AFAP1: variants seen among roughly 807,000 people sequenced by gnomAD.
AFAP1 encodes the protein actin filament associated protein 1.
AFAP1 carries 75 observed loss-of-function variants against 93.9 expected under a neutral mutation model. The observed-to-expected ratio is 0.80, with a 90% confidence interval of 0.66 to 0.97. The LOEUF (loss-of-function observed/expected upper bound fraction) is 0.97. Among genes scored for constraint, AFAP1 ranks in the 50% least tolerant of loss-of-function variants. The probability of loss-of-function intolerance (pLI) is 0.00; values close to 1 mark genes in which losing one functional copy is unlikely to be tolerated. For missense variants in AFAP1, 1,201 were observed against 1,050.8 expected (o/e 1.14, Z -1.98); for synonymous variants, 517 against 430.7 (o/e 1.20, Z -2.48).
At chr4:7,872,271 A>C in intron 1 of AFAP1, 191 bp from the exon 2 acceptor site, 2 of 597,294 alleles carry the variant, frequency 3.3e-6, no homozygotes, top group Non-Finnish European at 5.4e-6. Context: ...CAAATGCACT[A>C]CTCCTTTGCT....
At chr4:7,795,945 A>T (rs1718377140) in intron 10 of AFAP1, among the ~76,000 whole-genome samples, 1 of 152,204 alleles carries the variant, frequency 6.6e-6, no homozygotes, top group Non-Finnish European at 1.5e-5. Flanking sequence ...ACAGCTTTTA[A>T]TACATAGATA....
chr4:7,796,659 G>A (rs1718444017), intron 10 of AFAP1, among the ~76,000 whole-genome samples: 1 of 151,584 alleles, frequency 6.6e-6, no homozygotes, highest in African/African-American at 2.4e-5. Context: ...GCTGAAGCAG[G>A]AGAATGGCGT....
intron 1 of AFAP1, among the ~76,000 whole-genome samples, chr4:7,895,187 T>C (rs1718695597): frequency 6.6e-6 from 1 of 152,200 alleles, no homozygotes; most frequent in Non-Finnish European, 1.5e-5. Flanking sequence ...GGGTTGAGGC[T>C]GGAACTCTGC....
At chr4:7,779,872 A>C (rs916184077) in intron 13 of AFAP1, among the ~76,000 whole-genome samples, 1 of 152,220 alleles carries the variant, frequency 6.6e-6, no homozygotes, top group Non-Finnish European at 1.5e-5. Flanking sequence ...CATTAAAATG[A>C]CCAAATGAGG....
intron 5 of AFAP1, among the ~76,000 whole-genome samples, chr4:7,842,301 C>CAAAAAAAAAAAAAAAAAAAAAAATAAAA (rs57050150): frequency 1.1e-5 from 1 of 94,898 alleles, no homozygotes; most frequent in Non-Finnish European, 2.0e-5. Context: ...CCTGGATTTA[C>CAAAAAAAAAAAAAAAAAAAAAAATAAAA]AAAAAAAAAA....
At chr4:7,897,482 G>T (rs1418572696) in intron 1 of AFAP1, among the ~76,000 whole-genome samples, 2 of 151,890 alleles carry the variant, frequency 1.3e-5, no homozygotes, top group African/African-American at 4.8e-5. Context: ...GGAGTCTCTT[G>T]CATTCTGCTT....
chr4:7,868,537 C>T (rs1002516941), intron 3 of AFAP1, 85 bp downstream of exon 3: 28 of 1,179,556 alleles, frequency 2.4e-5, no homozygotes, highest in East Asian at 4.9e-5. Context: ...TCTTCCACAC[C>T]GGGCTTCCAT....
In AFAP1 at chr4:7,781,368, T is replaced by C. The variant is rs573939648; in HGVS notation, c.1782+8A>G. 1 of 1,551,104 alleles carries C rather than the reference T, an allele frequency of 6.4e-7. No homozygotes were observed. The highest frequency in any genetic ancestry group is 2.4e-5 in the East Asian group (1 of 40,916). On this transcript the variant is annotated splice_region_variant and intron_variant, in intron 13 of 17. Coordinates refer to ENST00000420658, the MANE Select transcript of AFAP1 (RefSeq NM_001134647.2). ...GGTTCTAGAATCTTACAGAAGAAGA[T>C]GCCGTACCTGCGAGTTGAGCCCGAG...
At chr4:7,832,858 A>T (rs1711798797) in intron 6 of AFAP1, among the ~76,000 whole-genome samples, 1 of 152,198 alleles carries the variant, frequency 6.6e-6, no homozygotes, top group Admixed American at 6.5e-5. Context: ...AAATACTTAC[A>T]GTCAACTGAC....
intron 8 of AFAP1, among the ~76,000 whole-genome samples, chr4:7,810,691 T>C (rs4645213): frequency 0.46 from 70,505 of 152,124 alleles, 17,322 homozygotes; most frequent in East Asian, 0.78. Context: ...TGCATAAAAA[T>C]GATGCCTGGC....
intron 11 of AFAP1, among the ~76,000 whole-genome samples, chr4:7,786,866 T>C (rs1717311405): frequency 6.6e-6 from 1 of 152,202 alleles, no homozygotes; most frequent in African/African-American, 2.4e-5. Flanking sequence ...CGTGGACCCC[T>C]GTTCTATAAG....
intron 10 of AFAP1, among the ~76,000 whole-genome samples, chr4:7,798,219 C>A (rs60966449): frequency 1.1e-5 from 1 of 94,940 alleles, no homozygotes; most frequent in African/African-American, 3.8e-5. Context: ...GGCACTGCAA[C>A]TCTATTGGCT....
At chr4:7,849,737 G>A (rs1174964103) in intron 4 of AFAP1, among the ~76,000 whole-genome samples, 1 of 152,226 alleles carries the variant, frequency 6.6e-6, no homozygotes, top group East Asian at 1.9e-4. Context: ...TGGAAGGCAA[G>A]GCATTTGGAG....
At chr4:7,888,078 C>T (rs1157061802) in intron 1 of AFAP1, among the ~76,000 whole-genome samples, 1 of 152,220 alleles carries the variant, frequency 6.6e-6, no homozygotes, top group Non-Finnish European at 1.5e-5. Flanking sequence ...CTGCCCACCT[C>T]GGCCTCACAA....
chr4:7,878,208 A>G lies in AFAP1; in HGVS notation c.-2-6128T>C, dbSNP rs116285375. Among the ~76,000 whole-genome samples the G allele has an allele frequency of 5.9e-3, 891 of 152,284 alleles. 7 individuals are homozygous for G. The highest frequency in any genetic ancestry group is 0.019 in the African/African-American group (785 of 41,550). Reference sequence around the variant, plus strand: ...TTCCTATAAATAAAGGTCTGGTGAAATATGTGTGCCTGAGCAGGGGGTGGC... The same window carrying G: ...TTCCTATAAATAAAGGTCTGGTGAAGTATGTGTGCCTGAGCAGGGGGTGGC... On this transcript the variant is annotated intron_variant, in intron 1 of 17. Transcript: ENST00000420658.
chr4:7,869,950 A>G (rs1404140501), intron 2 of AFAP1, among the ~76,000 whole-genome samples: 1 of 152,212 alleles, frequency 6.6e-6, no homozygotes, highest in African/African-American at 2.4e-5. Flanking sequence ...ATCCAGAAGG[A>G]GGCATGAAGA....
At chr4:7,785,928 C>G (rs1409069449) in intron 12 of AFAP1, among the ~76,000 whole-genome samples, 1 of 152,138 alleles carries the variant, frequency 6.6e-6, no homozygotes, top group South Asian at 2.1e-4. Flanking sequence ...CAGATTGGGA[C>G]CCTACCTCAA....
chr4:7,928,130 T>C (rs1161425994), intron 1 of AFAP1, among the ~76,000 whole-genome samples: 1 of 152,134 alleles, frequency 6.6e-6, no homozygotes, highest in African/African-American at 2.4e-5. Flanking sequence ...CCTCACGTAA[T>C]AGCAATGCAT....
At chr4:7,846,613 G>T (rs1713730038) in intron 4 of AFAP1, among the ~76,000 whole-genome samples, 1 of 152,204 alleles carries the variant, frequency 6.6e-6, no homozygotes, top group South Asian at 2.1e-4. Context: ...AGTTATAAAT[G>T]GGAAAACTAC....
Sources: gnomAD v4.1 joint callset for allele counts (sites outside exome capture counted in the v4.1 genomes callset) on GRCh38, gnomAD v4.1.1 for gene constraint, MANE v1.5 for transcripts, NCBI Gene and HGNC (gene_info 2026-07-23, HGNC 2026-07-21) for gene names.